PARD3B: variants seen among roughly 807,000 people sequenced by gnomAD.
The protein encoded by PARD3B is par-3 family cell polarity regulator beta.
PARD3B carries 103 observed loss-of-function variants against 130.2 expected under a neutral mutation model. That is an observed-to-expected ratio of 0.79 (90% CI 0.67 to 0.93). The LOEUF is 0.93. Among genes scored for constraint, PARD3B ranks in the 40% least tolerant of loss-of-function variants. The pLI is 0.00. For missense variants in PARD3B, 1,609 were observed against 1,499.2 expected, an observed-to-expected ratio of 1.07 and a Z score of -1.21; for synonymous variants, 583 against 553.2, an observed-to-expected ratio of 1.05 and a Z score of -0.76.
At chr2:204,731,993 C>T (rs941583160) in intron 2 of PARD3B, among the ~76,000 whole-genome samples, 1 of 151,918 alleles carries the variant, frequency 6.6e-6, no homozygotes, top group East Asian at 1.9e-4. Flanking sequence ...TAAGTTCTTT[C>T]AGTCTTAATT....
chr2:205,185,688 G>A (rs2036057103), intron 13 of PARD3B, 76 bp from the exon 14 acceptor site: 1 of 1,222,114 alleles, frequency 8.2e-7, no homozygotes, highest in Admixed American at 1.7e-5. Flanking sequence ...GCGTCTGAGA[G>A]AGATACTGAA....
At chr2:205,024,714 A>G (rs1696885775) in intron 3 of PARD3B, among the ~76,000 whole-genome samples, 1 of 152,246 alleles carries the variant, frequency 6.6e-6, no homozygotes, top group African/African-American at 2.4e-5. Context: ...CATAATAATT[A>G]ATGAAGCACA....
chr2:205,549,275 A>G (rs2052513965), intron 21 of PARD3B, among the ~76,000 whole-genome samples: 1 of 152,176 alleles, frequency 6.6e-6, no homozygotes, highest in South Asian at 2.1e-4. Flanking sequence ...TGATCCAGCA[A>G]TCGCCTTCCT....
Position 205,263,606 on chromosome 2 carries a change from T to G in PARD3B, c.2185+17784T>G, listed in dbSNP as rs1449481403. Reference sequence around the variant, plus strand: ...GTTCACAGATCTTAAATGTGAGCACTAAAACTATAAAACTTCTAGAAAACA... The same window carrying G: ...GTTCACAGATCTTAAATGTGAGCACGAAAACTATAAAACTTCTAGAAAACA... On this transcript the variant is annotated intron_variant, in intron 16 of 22. Transcript: ENST00000406610. This position sits in a 1 kb window ranked among gnomAD's most constrained non-coding sequence, Gnocchi z 4.0. Among the ~76,000 whole-genome samples, 1 of 151,080 alleles carries G rather than the reference T, an allele frequency of 6.6e-6. No individual in the cohort carries two copies. The highest frequency in any genetic ancestry group is 1.9e-4 in the East Asian group (1 of 5,148).
At chr2:205,030,135 G>A (rs1438662778) in intron 3 of PARD3B, among the ~76,000 whole-genome samples, 4 of 152,084 alleles carry the variant, frequency 2.6e-5, no homozygotes, top group African/African-American at 4.8e-5. Flanking sequence ...CTGATTTTAA[G>A]ACTCGTGAAT....
rs545634045 is a variant in PARD3B, at chr2:204,961,580, C to G, written c.223-3572C>G. Among the ~76,000 whole-genome samples the G allele has an allele frequency of 2.6e-5, 4 of 152,004 alleles. No homozygotes were observed. The East Asian group carries it at 5.8e-4, about 22-fold the overall frequency. ...CACTTAAAATTTTGAATTTATCAGCCGATAGAGTTATATTAACCCATGAAA... is the reference window on the plus strand; with the variant it reads ...CACTTAAAATTTTGAATTTATCAGCGGATAGAGTTATATTAACCCATGAAA... On this transcript the variant is annotated intron_variant, in intron 2 of 22. Transcript: ENST00000406610.
intron 19 of PARD3B, among the ~76,000 whole-genome samples, chr2:205,436,111 CA>C (rs2047506065): frequency 1.3e-5 from 2 of 152,278 alleles, no homozygotes; most frequent in South Asian, 2.1e-4. Flanking sequence ...AATGGAATAG[CA>C]AAGAGGGACC....
intron 21 of PARD3B, among the ~76,000 whole-genome samples, chr2:205,520,120 A>ACCTTAGT (rs2050973219): frequency 6.6e-6 from 1 of 152,150 alleles, no homozygotes; most frequent in Non-Finnish European, 1.5e-5. Context: ...GCAAAAAAGG[A>ACCTTAGT]AGGGACCTTA....
intron 22 of PARD3B, among the ~76,000 whole-genome samples, chr2:205,605,326 T>C (rs1435925649): frequency 6.6e-6 from 1 of 152,200 alleles, no homozygotes; most frequent in Non-Finnish European, 1.5e-5. Flanking sequence ...TTTGTTGTTG[T>C]TGTTGATTCT....
At chr2:205,610,131 C>A (rs1559268310) in intron 22 of PARD3B, among the ~76,000 whole-genome samples, 1 of 152,158 alleles carries the variant, frequency 6.6e-6, no homozygotes, top group Non-Finnish European at 1.5e-5. Flanking sequence ...TTGCATAATT[C>A]TGGATTCTGC....
At chr2:205,548,953 G>A (rs1217958960) in intron 21 of PARD3B, among the ~76,000 whole-genome samples, 2 of 152,014 alleles carry the variant, frequency 1.3e-5, no homozygotes, top group Non-Finnish European at 2.9e-5. Context: ...ATGGGCCAAA[G>A]ACCTCAATGG....
intron 2 of PARD3B, among the ~76,000 whole-genome samples, chr2:204,770,484 T>C (rs2041318378): frequency 6.6e-6 from 1 of 151,600 alleles, no homozygotes; most frequent in Non-Finnish European, 1.5e-5. Context: ...ATTCTGTTGA[T>C]TTGGGGTGGA....
At chr2:205,065,224 C>A (rs1011431029) in intron 4 of PARD3B, among the ~76,000 whole-genome samples, 3 of 152,094 alleles carry the variant, frequency 2.0e-5, no homozygotes, top group Non-Finnish European at 4.4e-5. Context: ...AAAGATGCCA[C>A]AGATAGAGTG....
At chr2:205,419,700 C>T (rs1197438331) in intron 19 of PARD3B, among the ~76,000 whole-genome samples, 3 of 152,110 alleles carry the variant, frequency 2.0e-5, no homozygotes, top group Non-Finnish European at 4.4e-5. Context: ...CTCCACTAGC[C>T]AGGAGGGAAA....
intron 16 of PARD3B, among the ~76,000 whole-genome samples, chr2:205,246,973 T>A (rs2039599876): frequency 6.6e-6 from 1 of 152,228 alleles, no homozygotes. Flanking sequence ...GACATATTTT[T>A]AGGAGCTTCA....
intron 1 of PARD3B, among the ~76,000 whole-genome samples, chr2:204,602,218 C>T (rs1212144470): frequency 6.6e-6 from 1 of 152,036 alleles, no homozygotes; most frequent in Non-Finnish European, 1.5e-5. Context: ...CTTGTGCAAA[C>T]ACTTTGTTGA....
intron 18 of PARD3B, among the ~76,000 whole-genome samples, chr2:205,318,442 C>G (rs536085105): frequency 2.0e-5 from 3 of 152,124 alleles, no homozygotes; most frequent in Non-Finnish European, 4.4e-5. Context: ...CATTAAATGT[C>G]GAGTGATATG....
chr2:205,317,815 G>A (rs2042611506), intron 18 of PARD3B, among the ~76,000 whole-genome samples: 1 of 152,132 alleles, frequency 6.6e-6, no homozygotes, highest in African/African-American at 2.4e-5. Context: ...AAGGAAGCTT[G>A]AGTGAACTTT....
chr2:204,571,735 A>T (rs1031975801), intron 1 of PARD3B, among the ~76,000 whole-genome samples: 4 of 152,184 alleles, frequency 2.6e-5, no homozygotes, highest in African/African-American at 9.7e-5. Context: ...TGTATTAGGG[A>T]CTTAATACAG....
Sources: allele counts gnomAD v4.1 joint callset (sites outside exome capture counted in the v4.1 genomes callset), GRCh38; gene constraint gnomAD v4.1.1; non-coding constraint Gnocchi (gnomAD v3.1); transcripts MANE v1.5; gene names NCBI Gene and HGNC (gene_info 2026-07-23, HGNC 2026-07-21).